Variants in IFT80 observed in about 807,000 individuals in gnomAD.
IFT80 encodes intraflagellar transport 80, also known as intraflagellar transport protein 80 homolog.
IFT80 carries 79 observed loss-of-function variants against 107.9 expected under a neutral mutation model. That is an observed-to-expected ratio of 0.73 (90% CI 0.61 to 0.88). The LOEUF (loss-of-function observed/expected upper bound fraction) is 0.88, where lower values mean the gene tolerates loss of function less well. Among genes scored for constraint, IFT80 ranks in the 40% least tolerant of loss-of-function variants. IFT80 has a pLI of 0.00. For synonymous variants in IFT80, 299 were observed against 300.9 expected (o/e 0.99, Z 0.07); for missense variants, 797 against 914.2 (o/e 0.87, Z 1.65).
intron 8 of IFT80, among the ~76,000 whole-genome samples, chr3:160,328,016 G>C (rs571971703): frequency 3.5e-4 from 53 of 152,232 alleles, no homozygotes; most frequent in Non-Finnish European, 5.3e-4. Context: ...GCATTAAAAA[G>C]TGGGCAAAGG....
At position 160,257,408 on chromosome 3, in the gene IFT80, G is replaced by A. The variant is rs190015613; in HGVS notation, c.*1117C>T. The A allele has an allele frequency of 6.6e-6, 1 of 151,950 alleles. No homozygotes were observed. The highest frequency in any genetic ancestry group is 2.4e-5 in the African/African-American group (1 of 41,432). 9.4% of individuals were successfully genotyped at this position (151,950 alleles called of 1,614,324 possible). A position where few individuals can be genotyped will look rare whatever the true frequency, so the allele number is the denominator to read the frequency against. On this transcript the variant is annotated 3_prime_UTR_variant, in exon 20 of 20. Coordinates refer to ENST00000326448, the MANE Select transcript of IFT80 (RefSeq NM_020800.3). ...GCAGAAGACTTTCTAAGGGGTATTT[G>A]TTTTATTGTTTAAAAGATTATGTGG...
chr3:160,330,966 T>C (rs1006914817), intron 8 of IFT80, among the ~76,000 whole-genome samples: 5 of 152,240 alleles, frequency 3.3e-5, no homozygotes, highest in Non-Finnish European at 5.9e-5. Context: ...GTACTATCTA[T>C]ATAACACTAT....
intron 6 of IFT80, among the ~76,000 whole-genome samples, chr3:160,365,239 T>C (rs1465937668): frequency 6.6e-6 from 1 of 152,118 alleles, no homozygotes; most frequent in African/African-American, 2.4e-5. Flanking sequence ...GTTCTATTCT[T>C]GCATGTCCCT....
In IFT80 at chr3:160,259,108, C is replaced by CA. The variant is rs549975096; in HGVS notation, c.2224-474dup. ...GGGTGACAGAGCAAGGGCCCTGTCT[C>CA]AAAAAAAACAAAAACAAATAATGCT... On this transcript the variant is annotated intron_variant, in intron 19 of 19. Coordinates refer to ENST00000326448, the MANE Select transcript of IFT80 (RefSeq NM_020800.3). Among the ~76,000 whole-genome samples, 52 of 149,986 alleles carry CA rather than the reference C, an allele frequency of 3.5e-4. No homozygotes were observed. The South Asian group carries it at 4.2e-3, about 12-fold the overall frequency.
At chr3:160,379,660 C>T (rs998175027) in intron 3 of IFT80, among the ~76,000 whole-genome samples, 1 of 152,118 alleles carries the variant, frequency 6.6e-6, no homozygotes, top group African/African-American at 2.4e-5. Flanking sequence ...AAAGGACATG[C>T]AGGAATTGTT....
Position 160,262,324 on chromosome 3 carries a change from G to C in IFT80, c.2224-3689C>G, listed in dbSNP as rs140212728. On this transcript the variant is annotated intron_variant, in intron 19 of 19. Coordinates refer to ENST00000326448, the MANE Select transcript of IFT80 (RefSeq NM_020800.3). ...AGGCTTCCAGAGATTGGAAACCATG[G>C]GAAAAAAATATATGGGAAGAAACTA... 4.0e-3 allele frequency among the ~76,000 whole-genome samples: 612 copies of C among 152,136 alleles called. 2 individuals are homozygous for C. The highest frequency in any genetic ancestry group is 0.024 in the East Asian group (124 of 5,174).
chr3:160,288,864 GTAAAT>G lies in IFT80; in HGVS notation c.1316-3001_1316-2997del, dbSNP rs571116192. 1.1e-3 allele frequency among the ~76,000 whole-genome samples: 169 copies of G among 151,512 alleles called. 1 individual carries two copies. The highest frequency in any genetic ancestry group is 3.4e-3 in the Middle Eastern group (1 of 294). ...ATAGTTTTACACTGTTGGTGGGAAG[GTAAAT>G]TAGTTCAATCATTGTGGAGAGGAGT... is the stretch of plus-strand genomic sequence containing the variant. On this transcript the variant is annotated intron_variant, in intron 12 of 19. Coordinates refer to ENST00000326448, the MANE Select transcript of IFT80 (RefSeq NM_020800.3).
At chr3:160,265,148 A>G (rs1713203305) in intron 19 of IFT80, among the ~76,000 whole-genome samples, 1 of 152,350 alleles carries the variant, frequency 6.6e-6, no homozygotes, top group African/African-American at 2.4e-5. Context: ...AGTGTCTGTC[A>G]CGTTTACTAT....
rs755196225 is a variant in IFT80, at chr3:160,377,472, G to C, written c.328C>G (p.Leu110Val). Residue 110 changes from leucine (L) to valine (V), a missense_variant, in exon 4 of 20, where the codon CTT (leucine) becomes GTT (valine). Coordinates refer to ENST00000326448, the MANE Select transcript of IFT80 (RefSeq NM_020800.3). ...CCTTCATAATTCCATCTTCCTGCAA[G>C]TACTGCTCCACAGTGAGCTTCTACA... Reference protein sequence around the residue: ...KSVEAHCGAVLAGRWNYEGTA... With the variant: ...KSVEAHCGAVVAGRWNYEGTA... 1 of 1,610,468 alleles carries C rather than the reference G, an allele frequency of 6.2e-7. No individual in the cohort carries two copies. The highest frequency in any genetic ancestry group is 1.1e-5 in the South Asian group (1 of 90,896).
At chr3:160,319,975 T>A in intron 8 of IFT80, 36 bp from the exon 9 acceptor site, 1 of 1,574,638 alleles carries the variant, frequency 6.4e-7, no homozygotes, top group East Asian at 2.3e-5. Flanking sequence ...ATGGACTTAC[T>A]GAAAAAAAAT....
intron 8 of IFT80, among the ~76,000 whole-genome samples, chr3:160,349,302 C>T (rs1301316930): frequency 6.6e-6 from 1 of 151,782 alleles, no homozygotes; most frequent in Non-Finnish European, 1.5e-5. Context: ...TGCAAAAATT[C>T]GCTGGGTACT....
Position 160,386,359 on chromosome 3 carries a change from C to T in IFT80, c.-46-1713G>A, listed in dbSNP as rs185977495. Among the ~76,000 whole-genome samples the T allele has an allele frequency of 2.0e-5, 3 of 152,268 alleles. No homozygotes were observed. The East Asian group carries it at 5.8e-4, about 29-fold the overall frequency. On this transcript the variant is annotated intron_variant, in intron 1 of 19. Coordinates refer to ENST00000326448, the MANE Select transcript of IFT80 (RefSeq NM_020800.3). ...GAAGTGCAGAGCTGCCTGAACGCTG[C>T]ATTGAGGTGTTTTTATCTGCCTAAA...
chr3:160,353,739 T>C (rs989206862), intron 8 of IFT80, among the ~76,000 whole-genome samples: 2 of 152,224 alleles, frequency 1.3e-5, no homozygotes, highest in African/African-American at 2.4e-5. Flanking sequence ...CATAATGTAC[T>C]GTAAGTCTTA....
chr3:160,319,353 T>C (rs1046011349), intron 9 of IFT80, among the ~76,000 whole-genome samples: 15 of 152,108 alleles, frequency 9.9e-5, no homozygotes, highest in African/African-American at 3.4e-4. Flanking sequence ...AAAAATCAGG[T>C]TAAATAAGTT....
intron 6 of IFT80, among the ~76,000 whole-genome samples, chr3:160,363,756 G>A (rs1362658542): frequency 1.3e-5 from 2 of 152,178 alleles, no homozygotes; most frequent in African/African-American, 2.4e-5. Context: ...AAGAAATGGG[G>A]AAAGGATTCC....
chr3:160,277,429 T>C lies in IFT80; in HGVS notation c.1976A>G (p.Glu659Gly). ...CAGTAGTATGTGGGCCATTTTTGAT[T>C]CTTTAGATGGAAGATTTTTTATAGA... ...INSIKNLPSK[E>G]SKMAHILLFS... The change falls in exon 18 of 20, where the codon GAA becomes GGA. Residue 659 changes from glutamate to glycine, a missense_variant. Coordinates refer to ENST00000326448, the MANE Select transcript of IFT80 (RefSeq NM_020800.3). 1 of 1,611,872 alleles carries C rather than the reference T, an allele frequency of 6.2e-7. No individual in the cohort carries two copies. Among genetic ancestry groups the C allele is most frequent in the Non-Finnish European group, 8.5e-7 (1 of 1,178,078 alleles).
chr3:160,366,987 T>C (rs1721916615), intron 5 of IFT80, among the ~76,000 whole-genome samples: 1 of 152,172 alleles, frequency 6.6e-6, no homozygotes, highest in African/African-American at 2.4e-5. Flanking sequence ...TTCCATTGTT[T>C]TGATTTTTAC....
chr3:160,388,216 CTTTTT>C (rs754817640), intron 1 of IFT80, among the ~76,000 whole-genome samples: 1 of 134,874 alleles, frequency 7.4e-6, no homozygotes, highest in Non-Finnish European at 1.6e-5. Context: ...GGACTTGTTT[CTTTTT>C]TTTTTTTTTT....
At chr3:160,367,665 T>A (rs1721959668) in intron 5 of IFT80, among the ~76,000 whole-genome samples, 1 of 152,132 alleles carries the variant, frequency 6.6e-6, no homozygotes, top group African/African-American at 2.4e-5. Flanking sequence ...AAGTTTGATT[T>A]ACCTACCACT....
Sources: allele counts gnomAD v4.1 joint callset (sites outside exome capture counted in the v4.1 genomes callset), GRCh38; gene constraint gnomAD v4.1.1; transcripts MANE v1.5; gene names NCBI Gene and HGNC (gene_info 2026-07-23, HGNC 2026-07-21).